Variants in EZR observed in about 807,000 individuals in gnomAD.
EZR encodes the protein cytovillin 2.
Under a neutral mutation model 74.8 loss-of-function variants are expected in EZR, and 40 were observed. That is an observed-to-expected ratio of 0.53 (90% CI 0.42 to 0.70). The LOEUF is 0.70. EZR is among the 30% of genes least tolerant of loss of function. The pLI is 0.00. For missense variants in EZR, 678 were observed against 755.8 expected, an observed-to-expected ratio of 0.90 and a Z score of 1.21; for synonymous variants, 341 against 283.3, an observed-to-expected ratio of 1.20 and a Z score of -2.05.
chr6:158,811,561 G>C (rs530888577), intron 2 of EZR, among the ~76,000 whole-genome samples: 49 of 152,272 alleles, frequency 3.2e-4, no homozygotes, highest in African/African-American at 1.2e-3. Context: ...TTCAACATTT[G>C]TTAGAAATCA....
In EZR at chr6:158,767,319, T is replaced by G; in HGVS notation, c.1538A>C (p.Asn513Thr). 8.1e-6 allele frequency: 13 copies of G among 1,614,172 alleles called. No homozygotes were observed. The highest frequency in any genetic ancestry group is 1.1e-5 in the Non-Finnish European group (13 of 1,180,026). The change falls in exon 13 of 14, where the codon AAT becomes ACT. Residue 513 changes from asparagine (N) to threonine (T), a missense_variant. Asn to Thr is a moderately conservative substitution (Grantham distance 65). Coordinates refer to ENST00000367075, the MANE Select transcript of EZR (RefSeq NM_001111077.2). ...LSSEGIRDDRNEEKRITEAEK... is the reference protein window; with the variant it reads ...LSSEGIRDDRTEEKRITEAEK... The stretch of plus-strand genomic sequence containing the variant: ...TGCCTCAGTGATGCGCTTCTCCTCA[T>G]TGCGGTCATCCCGGATGCCCTCACT...
chr6:158,813,590 T>C (rs900724260), intron 2 of EZR, among the ~76,000 whole-genome samples: 14 of 152,170 alleles, frequency 9.2e-5, no homozygotes, highest in Non-Finnish European at 1.8e-4. Context: ...CCTCCTCAAT[T>C]GCGAGGGGAT....
chr6:158,767,812 T>TAACG (rs1790949305), intron 12 of EZR, among the ~76,000 whole-genome samples: 1 of 152,092 alleles, frequency 6.6e-6, no homozygotes, highest in Non-Finnish European at 1.5e-5. Context: ...TTAGCATGAG[T>TAACG]AACGGGCTCT....
chr6:158,818,671 G>T (rs9457475), intron 1 of EZR, among the ~76,000 whole-genome samples: 3 of 150,510 alleles, frequency 2.0e-5, no homozygotes, highest in Non-Finnish European at 4.4e-5. Context: ...GCGGAGAAGA[G>T]GGGGCGCGGG....
rs1348617424 is a variant in EZR, at chr6:158,792,132, A to T, written c.13-2761T>A. ...TTAAGCATTTTGCAAACTGACTAGC[A>T]GGAATTTAGAATAACTTATTTTTGG... On this transcript the variant is annotated intron_variant, in intron 2 of 13. Transcript: ENST00000367075. Among the ~76,000 whole-genome samples the T allele has an allele frequency of 2.6e-5, 4 of 152,214 alleles. No homozygotes were observed. The South Asian group carries it at 6.2e-4, about 24-fold the overall frequency.
At position 158,766,055 on chromosome 6, in the gene EZR, C is replaced by T. The variant is rs1490569227; in HGVS notation, c.*859G>A. 1.3e-5 allele frequency: 2 copies of T among 152,622 alleles called. No homozygotes were observed. The highest frequency in any genetic ancestry group is 4.8e-5 in the African/African-American group (2 of 41,442). 9.5% of individuals were successfully genotyped at this position (152,622 alleles called of 1,614,324 possible). A position where few individuals can be genotyped will look rare whatever the true frequency, so the allele number is the denominator to read the frequency against. ...AACACTAATAATAATCCTGTTTACA[C>T]GTGACTGCAGCAGGCAGGTCCAGCT... On this transcript the variant is annotated 3_prime_UTR_variant, in exon 14 of 14. Transcript: ENST00000367075.
intron 7 of EZR, among the ~76,000 whole-genome samples, chr6:158,779,796 G>T (rs1224110865): frequency 6.6e-6 from 1 of 152,064 alleles, no homozygotes; most frequent in Non-Finnish European, 1.5e-5. Flanking sequence ...GGCTGGTCTT[G>T]AACTCCTGAG....
intron 4 of EZR, among the ~76,000 whole-genome samples, chr6:158,786,413 T>C (rs1791584031): frequency 6.6e-6 from 1 of 152,130 alleles, no homozygotes; most frequent in Non-Finnish European, 1.5e-5. Flanking sequence ...ACTATCACAC[T>C]CTTGTGCTCA....
chr6:158,802,864 T>G (rs1423490120), intron 2 of EZR, among the ~76,000 whole-genome samples: 1 of 152,122 alleles, frequency 6.6e-6, no homozygotes, highest in Non-Finnish European at 1.5e-5. Flanking sequence ...GAACCATACA[T>G]GGTTTATCCC....
chr6:158,814,422 T>C (rs142497314), intron 2 of EZR, among the ~76,000 whole-genome samples: 13 of 151,824 alleles, frequency 8.6e-5, no homozygotes, highest in Non-Finnish European at 1.8e-4. Flanking sequence ...TGACAGCACT[T>C]AGCGGGTTTT....
intron 2 of EZR, among the ~76,000 whole-genome samples, chr6:158,795,324 A>G (rs1227484099): frequency 6.6e-6 from 1 of 152,138 alleles, no homozygotes; most frequent in East Asian, 1.9e-4. Context: ...CTGTAATCGC[A>G]GGACTTTGGG....
At chr6:158,791,155 C>T (rs1382074846) in intron 2 of EZR, among the ~76,000 whole-genome samples, 1 of 11,476 alleles carries the variant, frequency 8.7e-5, no homozygotes, top group East Asian at 2.9e-4. Context: ...ATCCAATATG[C>T]CCTTAAAGGC....
At chr6:158,773,199 G>C (rs992117331) in intron 8 of EZR, among the ~76,000 whole-genome samples, 1 of 152,150 alleles carries the variant, frequency 6.6e-6, no homozygotes, top group African/African-American at 2.4e-5. Flanking sequence ...GGGGTGCATG[G>C]GTGGGGGGAT....
chr6:158,783,494 G>A (rs1791485425), intron 7 of EZR, 26 bp downstream of exon 7: 2 of 1,598,328 alleles, frequency 1.3e-6, no homozygotes, highest in Non-Finnish European at 1.7e-6. Context: ...CCTACCTACT[G>A]AAGATAACTG....
chr6:158,781,047 A>G (rs1428712726), intron 7 of EZR, among the ~76,000 whole-genome samples: 2 of 152,158 alleles, frequency 1.3e-5, no homozygotes, highest in Non-Finnish European at 2.9e-5. Context: ...AATCTCTTAG[A>G]GCTCAATTTC....
At chr6:158,798,622 CTTTTTTTT>C (rs147757313) in intron 2 of EZR, among the ~76,000 whole-genome samples, 7 of 122,200 alleles carry the variant, frequency 5.7e-5, no homozygotes, top group Middle Eastern at 4.9e-3. Context: ...TGCTGCTCCG[CTTTTTTTT>C]TTTTTTTTTT....
chr6:158,797,233 C>A (rs1777093118), intron 2 of EZR, among the ~76,000 whole-genome samples: 1 of 152,154 alleles, frequency 6.6e-6, no homozygotes. Context: ...TACAGGAGAG[C>A]AACCCTTGAG....
chr6:158,789,534 G>A, intron 2 of EZR, 163 bp from the exon 3 acceptor site: 1 of 766,378 alleles, frequency 1.3e-6, no homozygotes, highest in Non-Finnish European at 2.4e-6. Context: ...GACTGCAGAT[G>A]GCTGGGGATG....
chr6:158,784,605 G>C lies in EZR; in HGVS notation c.551+39C>G, dbSNP rs370075029. The C allele has an allele frequency of 3.2e-6, 5 of 1,567,842 alleles. No individual in the cohort carries two copies. In the South Asian group the frequency reaches 4.4e-5, roughly 14 times the overall value. ...CAGGAAAAGACATGCTGGAGCGCACGGAGATGGCAAGATCCCAACAGCAGG... is the reference window on the plus strand; with the variant it reads ...CAGGAAAAGACATGCTGGAGCGCACCGAGATGGCAAGATCCCAACAGCAGG... On this transcript the variant is annotated intron_variant, in intron 6 of 13. Transcript: ENST00000367075.
Sources: allele counts gnomAD v4.1 joint callset (sites outside exome capture counted in the v4.1 genomes callset), GRCh38; gene constraint gnomAD v4.1.1; transcripts MANE v1.5; gene names NCBI Gene and HGNC (gene_info 2026-07-23, HGNC 2026-07-21).